The following ENTREP2 variants were observed in gnomAD, a reference collection of about 807,000 sequenced individuals.
ENTREP2 encodes the protein endosomal transmembrane epsin interactor 2, also known as protein ENTREP2.
At chr15:29,286,714 G>C in the ENTREP2 span, among the ~76,000 whole-genome samples, 1 of 152,222 alleles carries the variant, frequency 6.6e-6, no homozygotes, top group Non-Finnish European at 1.5e-5. Context: ...GACAGGAAAG[G>C]CTCAGCAGCC....
chr15:29,642,055 A>C, the ENTREP2 span, among the ~76,000 whole-genome samples: 1 of 152,136 alleles, frequency 6.6e-6, no homozygotes, highest in African/African-American at 2.4e-5. Flanking sequence ...TGGCAATATT[A>C]CCCAAATTGA....
At chr15:29,435,865 C>T in the ENTREP2 span, among the ~76,000 whole-genome samples, 3 of 152,070 alleles carry the variant, frequency 2.0e-5, no homozygotes, top group African/African-American at 7.2e-5. Flanking sequence ...GATGGAAGAC[C>T]TCCATCCTGG....
At chr15:29,365,899 AC>A in the ENTREP2 span, among the ~76,000 whole-genome samples, 1 of 151,776 alleles carries the variant, frequency 6.6e-6, no homozygotes, top group Non-Finnish European at 1.5e-5. Flanking sequence ...CCACCCAGCA[AC>A]CCCCCGAATC....
At chr15:29,449,972 G>A in the ENTREP2 span, among the ~76,000 whole-genome samples, 6 of 152,190 alleles carry the variant, frequency 3.9e-5, no homozygotes, top group Non-Finnish European at 1.5e-5. Context: ...ATTTCATTGT[G>A]CTTTTGATTT....
At chr15:29,653,352 C>T in the ENTREP2 span, among the ~76,000 whole-genome samples, 6,939 of 152,174 alleles carry the variant, frequency 0.046, 186 homozygotes, top group South Asian at 0.066. Flanking sequence ...ACCCTTATAT[C>T]GATTTGGATT....
the ENTREP2 span, among the ~76,000 whole-genome samples, chr15:29,161,020 T>C: frequency 6.6e-6 from 1 of 152,200 alleles, no homozygotes; most frequent in South Asian, 2.1e-4. Context: ...TTATCTTAAA[T>C]GCCCACACCA....
the ENTREP2 span, among the ~76,000 whole-genome samples, chr15:29,280,797 T>C: frequency 2.0e-5 from 3 of 152,210 alleles, no homozygotes; most frequent in East Asian, 3.9e-4. Flanking sequence ...GGTTTTCTGA[T>C]GGTTTGCTGC....
chr15:29,157,523 C>T, the ENTREP2 span, among the ~76,000 whole-genome samples: 63 of 152,298 alleles, frequency 4.1e-4, no homozygotes, highest in Middle Eastern at 3.4e-3. Context: ...CAGTAGCTGG[C>T]TGAGTGCCTT....
chr15:29,425,200 T>TG, the ENTREP2 span, among the ~76,000 whole-genome samples: 27 of 26,940 alleles, frequency 1.0e-3, no homozygotes, highest in East Asian at 9.9e-3. Flanking sequence ...AGGTTTTTTG[T>TG]TTTTTTTTTT....
the ENTREP2 span, among the ~76,000 whole-genome samples, chr15:29,557,043 A>G: frequency 2.6e-5 from 4 of 152,352 alleles, no homozygotes; most frequent in African/African-American, 9.6e-5. Context: ...GTTCCTCTGC[A>G]AGGGGACTGC....
the ENTREP2 span, among the ~76,000 whole-genome samples, chr15:29,330,957 G>A: frequency 2.0e-4 from 31 of 152,124 alleles, no homozygotes; most frequent in African/African-American, 7.5e-4. Context: ...CCACCCCACA[G>A]TAAGTTGCTT....
At chr15:29,641,831 CAAA>C in the ENTREP2 span, among the ~76,000 whole-genome samples, 4 of 78,642 alleles carry the variant, frequency 5.1e-5, no homozygotes, top group Admixed American at 1.5e-4. Context: ...GACTCTGTCT[CAAA>C]AAAAAAAAAA....
chr15:29,185,381 C>T, the ENTREP2 span, among the ~76,000 whole-genome samples: 3 of 152,122 alleles, frequency 2.0e-5, no homozygotes, highest in Non-Finnish European at 4.4e-5. Context: ...TTGTTCTTCC[C>T]CTGCTCACTT....
chr15:29,668,969 C>T, the ENTREP2 span, among the ~76,000 whole-genome samples: 1 of 152,216 alleles, frequency 6.6e-6, no homozygotes, highest in Non-Finnish European at 1.5e-5. Flanking sequence ...CTTCCCTAGT[C>T]ATCATTTATT....
At chr15:29,388,413 T>C in the ENTREP2 span, among the ~76,000 whole-genome samples, 2 of 152,170 alleles carry the variant, frequency 1.3e-5, no homozygotes, top group Non-Finnish European at 2.9e-5. Flanking sequence ...AAAACCACAA[T>C]GAGATGCCAT....
the ENTREP2 span, among the ~76,000 whole-genome samples, chr15:29,429,940 T>C: frequency 1.3e-5 from 2 of 152,198 alleles, no homozygotes; most frequent in African/African-American, 4.8e-5. Flanking sequence ...GCCACCCACA[T>C]ACCCCATCTA....
At chr15:29,639,876 C>T in the ENTREP2 span, among the ~76,000 whole-genome samples, 1 of 136,318 alleles carries the variant, frequency 7.3e-6, no homozygotes, top group South Asian at 2.2e-4. Flanking sequence ...TCAAGCGATT[C>T]TCCTGCCTCA....
the ENTREP2 span, among the ~76,000 whole-genome samples, chr15:29,174,618 G>A: frequency 1.3e-5 from 2 of 151,960 alleles, no homozygotes; most frequent in Non-Finnish European, 2.9e-5. Context: ...GAACCTGGGA[G>A]GCGGGGTCTT....
chr15:29,333,929 C>T, the ENTREP2 span, among the ~76,000 whole-genome samples: 13 of 151,508 alleles, frequency 8.6e-5, no homozygotes, highest in African/African-American at 2.7e-4. Flanking sequence ...GAGGCAGAGA[C>T]GGGGTGATGC....
Sources: allele counts gnomAD v4.1 joint callset (sites outside exome capture counted in the v4.1 genomes callset), GRCh38; gene constraint gnomAD v4.1.1; transcripts MANE v1.5; gene names NCBI Gene and HGNC (gene_info 2026-07-23, HGNC 2026-07-21).